The following PRELID2 variants were observed in gnomAD, a reference collection of about 807,000 sequenced individuals.
PRELID2 encodes the protein PRELI domain containing 2, also known as PRELI domain-containing protein 2.
In PRELID2, 25 loss-of-function variants were observed where a neutral mutation model predicts 28.4. That is an observed-to-expected ratio of 0.88 (90% CI 0.64 to 1.23). The LOEUF is 1.23. Ranked by LOEUF, PRELID2 falls within the 50% of genes most tolerant of loss-of-function variation. The pLI, the probability that PRELID2 is intolerant of heterozygous loss-of-function variation, is 0.00. For missense variants in PRELID2, 201 were observed against 214.4 expected (o/e 0.94, Z 0.39); for synonymous variants, 76 against 71.6 (o/e 1.06, Z -0.31).
chr5:145,478,374 C>T (rs372324533), intron 1 of PRELID2, among the ~76,000 whole-genome samples: 219 of 152,056 alleles, frequency 1.4e-3, no homozygotes, highest in African/African-American at 4.9e-3. Context: ...GGTGAAACCC[C>T]GTCTCTACTA....
chr5:145,635,981 G>A (rs1753994497), intron 1 of PRELID2, among the ~76,000 whole-genome samples: 1 of 152,208 alleles, frequency 6.6e-6, no homozygotes, highest in South Asian at 2.1e-4. Flanking sequence ...TGAACCATGA[G>A]TGTGGACTCT....
chr5:145,686,720 A>G (rs1387329929), intron 1 of PRELID2, among the ~76,000 whole-genome samples: 1 of 152,276 alleles, frequency 6.6e-6, no homozygotes, highest in East Asian at 1.9e-4. Context: ...TGTTTCCGCC[A>G]TTTCTTGGAG....
chr5:145,423,518 T>G, the PRELID2 span, among the ~76,000 whole-genome samples: 2 of 151,626 alleles, frequency 1.3e-5, no homozygotes, highest in Admixed American at 1.3e-4. Context: ...TTTCTTCCAG[T>G]TGATCGCATC....
At chr5:145,743,812 G>C (rs374615970) in intron 1 of PRELID2, among the ~76,000 whole-genome samples, 11 of 152,220 alleles carry the variant, frequency 7.2e-5, no homozygotes, top group African/African-American at 2.4e-4. Context: ...CAGCTCCCAG[G>C]GGGAGGGACA....
the PRELID2 span, among the ~76,000 whole-genome samples, chr5:145,330,452 C>G: frequency 1.3e-5 from 2 of 152,142 alleles, no homozygotes; most frequent in African/African-American, 4.8e-5. Flanking sequence ...AATTTCAGAA[C>G]TTGTTATTGG....
chr5:145,803,417 A>T (rs1365925219), intron 4 of PRELID2, among the ~76,000 whole-genome samples: 13 of 151,444 alleles, frequency 8.6e-5, no homozygotes, highest in African/African-American at 3.2e-4. Flanking sequence ...ACACACACAC[A>T]CTATATATAC....
At chr5:145,431,750 G>A in the PRELID2 span, among the ~76,000 whole-genome samples, 1 of 152,178 alleles carries the variant, frequency 6.6e-6, no homozygotes, top group Admixed American at 6.5e-5. Context: ...AACTACTTCA[G>A]ACTGAAAGGG....
At chr5:145,482,585 A>G (rs1752171948) in intron 1 of PRELID2, among the ~76,000 whole-genome samples, 1 of 152,072 alleles carries the variant, frequency 6.6e-6, no homozygotes, top group African/African-American at 2.4e-5. Flanking sequence ...GGTTTTCTGG[A>G]TCACAATTTT....
intron 1 of PRELID2, among the ~76,000 whole-genome samples, chr5:145,647,643 G>A (rs10052024): frequency 0.016 from 2,475 of 152,286 alleles, 72 homozygotes; most frequent in African/African-American, 0.056. Flanking sequence ...CCAGTTTTGT[G>A]CTTGAAACCC....
intron 1 of PRELID2, among the ~76,000 whole-genome samples, chr5:145,740,451 A>G (rs1423733962): frequency 7.1e-6 from 1 of 141,400 alleles, no homozygotes; most frequent in African/African-American, 2.6e-5. Context: ...CAATTGGTAC[A>G]ACACCTAGAT....
the PRELID2 span, among the ~76,000 whole-genome samples, chr5:145,417,209 A>G: frequency 1.3e-5 from 2 of 152,152 alleles, no homozygotes; most frequent in African/African-American, 4.8e-5. Flanking sequence ...AAGAAATTGA[A>G]TCCCCAAACA....
chr5:145,829,982 G>A (rs1044648682), intron 1 of PRELID2, among the ~76,000 whole-genome samples: 2 of 152,136 alleles, frequency 1.3e-5, no homozygotes, highest in African/African-American at 4.8e-5. Context: ...AACACCCAGG[G>A]TCATTCTGTC....
At chr5:145,747,994 T>C (rs1757035851) in intron 1 of PRELID2, among the ~76,000 whole-genome samples, 1 of 152,308 alleles carries the variant, frequency 6.6e-6, no homozygotes, top group African/African-American at 2.4e-5. Flanking sequence ...AACTAGGTAT[T>C]GATGGAACAT....
At chr5:145,295,913 G>T in the PRELID2 span, among the ~76,000 whole-genome samples, 6 of 152,068 alleles carry the variant, frequency 3.9e-5, no homozygotes, top group Admixed American at 3.3e-4. Flanking sequence ...AGTGAATTAG[G>T]ACTTAGGAAA....
intron 1 of PRELID2, among the ~76,000 whole-genome samples, chr5:145,826,717 G>A (rs911095144): frequency 1.3e-5 from 2 of 152,020 alleles, no homozygotes; most frequent in African/African-American, 4.8e-5. Context: ...TAATATTGGG[G>A]GGGAATATGC....
the PRELID2 span, among the ~76,000 whole-genome samples, chr5:145,288,473 T>C: frequency 6.6e-6 from 1 of 152,060 alleles, no homozygotes; most frequent in Non-Finnish European, 1.5e-5. Context: ...ATTTTGACAA[T>C]ATAAGGTGAT....
chr5:145,538,410 C>A (rs1008728618), intron 1 of PRELID2, among the ~76,000 whole-genome samples: 1 of 151,820 alleles, frequency 6.6e-6, no homozygotes, highest in Non-Finnish European at 1.5e-5. Context: ...ATAGGGATTG[C>A]ATTAAATACA....
the PRELID2 span, among the ~76,000 whole-genome samples, chr5:145,332,952 G>GT: frequency 3.3e-5 from 5 of 152,226 alleles, no homozygotes; most frequent in Middle Eastern, 6.8e-3. Context: ...TGGGGTTTTT[G>GT]TATGGACGTC....
chr5:145,464,841 T>C, the PRELID2 span, among the ~76,000 whole-genome samples: 1 of 152,170 alleles, frequency 6.6e-6, no homozygotes, highest in African/African-American at 2.4e-5. Context: ...TCCTATCTGA[T>C]ATATGAAATC....
Sources: gnomAD v4.1 joint callset for allele counts (sites outside exome capture counted in the v4.1 genomes callset) on GRCh38, gnomAD v4.1.1 for gene constraint, MANE v1.5 for transcripts, NCBI Gene and HGNC (gene_info 2026-07-23, HGNC 2026-07-21) for gene names.